SLC2A13: variants seen among roughly 807,000 people sequenced by gnomAD.
SLC2A13 encodes the protein proton myo-inositol cotransporter.
Under a neutral mutation model 64.4 loss-of-function variants are expected in SLC2A13, and 32 were observed. That is an observed-to-expected ratio of 0.50 (90% CI 0.37 to 0.67). SLC2A13 has a LOEUF of 0.67. SLC2A13 is among the 30% of genes least tolerant of loss of function. SLC2A13 has a pLI of 0.00. For missense variants in SLC2A13, 743 were observed against 829.2 expected (o/e 0.90, Z 1.28); for synonymous variants, 338 against 327.1 (o/e 1.03, Z -0.36).
At chr12:40,014,427 A>G (rs1030782049) in intron 3 of SLC2A13, among the ~76,000 whole-genome samples, 3 of 152,180 alleles carry the variant, frequency 2.0e-5, no homozygotes, top group Admixed American at 1.3e-4. Context: ...AATTCCATAA[A>G]AAGATTCCAC....
At chr12:40,085,483 A>G (rs1938560426) in intron 1 of SLC2A13, among the ~76,000 whole-genome samples, 1 of 152,212 alleles carries the variant, frequency 6.6e-6, no homozygotes, top group South Asian at 2.1e-4. Flanking sequence ...GAACTGAATT[A>G]GAGGACATCC....
intron 3 of SLC2A13, among the ~76,000 whole-genome samples, chr12:40,026,035 G>A (rs541143307): frequency 5.3e-5 from 8 of 152,258 alleles, no homozygotes; most frequent in East Asian, 3.9e-4. Context: ...CTGTGGTCAC[G>A]TTTCTTAATC....
chr12:39,802,135 A>C (rs1254843516), intron 7 of SLC2A13: 1 of 152,224 alleles, frequency 6.6e-6, no homozygotes, highest in African/African-American at 2.4e-5. Context: ...ATGGGTGTGT[A>C]ATCTTTGCGA....
At chr12:39,869,051 G>T (rs572834151) in intron 5 of SLC2A13, among the ~76,000 whole-genome samples, 1 of 152,184 alleles carries the variant, frequency 6.6e-6, no homozygotes, top group East Asian at 1.9e-4. Flanking sequence ...TTAAAAATTC[G>T]AGGCTATAGC....
chr12:39,897,622 G>A lies in SLC2A13; in HGVS notation c.1035-25661C>T, dbSNP rs141651951. The stretch of plus-strand genomic sequence containing the variant: ...AACCACATGCAGCTCTTGAGCACTA[G>A]AAATATGGCTAGCATACTGAGAAGG... On this transcript the variant is annotated intron_variant, in intron 4 of 9. Coordinates refer to ENST00000280871, the MANE Select transcript of SLC2A13 (RefSeq NM_052885.4). Among the ~76,000 whole-genome samples the A allele has an allele frequency of 5.2e-3, 790 of 152,264 alleles. 9 individuals are homozygous for A. Among genetic ancestry groups the A allele is most frequent in the African/African-American group, 0.018 (757 of 41,546 alleles).
intron 4 of SLC2A13, among the ~76,000 whole-genome samples, chr12:39,938,492 A>T (rs1023444649): frequency 1.8e-5 from 2 of 110,322 alleles, no homozygotes; most frequent in African/African-American, 6.5e-5. Flanking sequence ...TACAGTAAAT[A>T]TTGGTTGAAG....
At chr12:39,967,531 C>T (rs896918720) in intron 3 of SLC2A13, among the ~76,000 whole-genome samples, 1 of 152,116 alleles carries the variant, frequency 6.6e-6, no homozygotes, top group Non-Finnish European at 1.5e-5. Context: ...AAAATACAGC[C>T]ATGACGTAAC....
intron 4 of SLC2A13, among the ~76,000 whole-genome samples, chr12:39,924,953 T>A (rs1014444621): frequency 6.6e-6 from 1 of 151,916 alleles, no homozygotes; most frequent in South Asian, 2.1e-4. Context: ...TTTATTTATA[T>A]CATCATACAC....
At chr12:39,799,278 T>C (rs1380439149) in intron 7 of SLC2A13, among the ~76,000 whole-genome samples, 28 of 89,758 alleles carry the variant, frequency 3.1e-4, no homozygotes, top group East Asian at 1.2e-3. Context: ...TTTTTTTTTT[T>C]CCTGTGCTTT....
At chr12:40,011,014 C>T (rs972030531) in intron 3 of SLC2A13, among the ~76,000 whole-genome samples, 21 of 152,164 alleles carry the variant, frequency 1.4e-4, no homozygotes, top group African/African-American at 5.1e-4. Context: ...TTAAGTTACA[C>T]TTCCTACTCA....
At chr12:39,878,067 T>G (rs983366883) in intron 4 of SLC2A13, among the ~76,000 whole-genome samples, 5 of 152,198 alleles carry the variant, frequency 3.3e-5, no homozygotes, top group Non-Finnish European at 7.3e-5. Flanking sequence ...AATTGCAGGC[T>G]TCCTAAGGCC....
intron 3 of SLC2A13, among the ~76,000 whole-genome samples, chr12:39,985,220 C>G (rs1179643126): frequency 6.6e-6 from 1 of 152,024 alleles, no homozygotes; most frequent in East Asian, 1.9e-4. Context: ...TCCCAGTGCT[C>G]TGTTTTCTAC....
intron 4 of SLC2A13, among the ~76,000 whole-genome samples, chr12:39,944,302 A>T (rs1252797935): frequency 6.6e-6 from 1 of 152,266 alleles, no homozygotes; most frequent in East Asian, 1.9e-4. Flanking sequence ...GTGCTGCTGA[A>T]TAGAATGTGC....
chr12:40,077,067 G>A (rs1484362570), intron 1 of SLC2A13, among the ~76,000 whole-genome samples: 1 of 152,088 alleles, frequency 6.6e-6, no homozygotes, highest in East Asian at 1.9e-4. Flanking sequence ...TTTGTTGGAT[G>A]CATAGTTTGC....
chr12:40,027,655 C>T (rs982199891), intron 3 of SLC2A13, among the ~76,000 whole-genome samples: 2 of 152,152 alleles, frequency 1.3e-5, no homozygotes, highest in Admixed American at 6.5e-5. Context: ...CTTGAGCTAA[C>T]AATGTAGAGG....
At chr12:39,901,995 T>C (rs1302734420) in intron 4 of SLC2A13, among the ~76,000 whole-genome samples, 5 of 152,010 alleles carry the variant, frequency 3.3e-5, no homozygotes, top group African/African-American at 7.2e-5. Flanking sequence ...ATATACACCA[T>C]GGAATACTAT....
intron 7 of SLC2A13, among the ~76,000 whole-genome samples, chr12:39,767,902 T>C (rs991089719): frequency 2.6e-5 from 4 of 152,092 alleles, no homozygotes; most frequent in Admixed American, 2.6e-4. Flanking sequence ...TCCTCCATGA[T>C]TGTAAGTTTT....
At chr12:40,086,073 G>A (rs576396687) in intron 1 of SLC2A13, among the ~76,000 whole-genome samples, 7 of 152,178 alleles carry the variant, frequency 4.6e-5, no homozygotes, top group East Asian at 3.9e-4. Flanking sequence ...TCCTGACCTC[G>A]TGATCCACCG....
intron 6 of SLC2A13, 39 bp downstream of exon 6, chr12:39,864,721 CCA>C (rs1943857889): frequency 6.3e-7 from 1 of 1,599,600 alleles, no homozygotes; most frequent in East Asian, 2.3e-5. Context: ...AAAAAAGTTA[CCA>C]GAGTCATGTA....
Sources: gnomAD v4.1 joint callset for allele counts (sites outside exome capture counted in the v4.1 genomes callset) on GRCh38, gnomAD v4.1.1 for gene constraint, MANE v1.5 for transcripts, NCBI Gene and HGNC (gene_info 2026-07-23, HGNC 2026-07-21) for gene names.